Variants in SLC8A3 observed in about 807,000 individuals in gnomAD.
SLC8A3 encodes sodium/calcium exchanger 3.
In SLC8A3, 37 loss-of-function variants were observed where a neutral mutation model predicts 65.4. The ratio of observed to expected loss-of-function variants is 0.57; its 90% CI spans 0.44 to 0.74. The LOEUF (loss-of-function observed/expected upper bound fraction) is 0.74. Ranked by LOEUF, SLC8A3 falls within the 30% of genes least tolerant of loss-of-function variation. The pLI is 0.00. For synonymous variants in SLC8A3, 461 were observed against 444.5 expected, an observed-to-expected ratio of 1.04 and a Z score of -0.47; for missense variants, 1,112 against 1,172.1, an observed-to-expected ratio of 0.95 and a Z score of 0.75.
chr14:70,096,880 G>C (rs1364514363), intron 2 of SLC8A3, among the ~76,000 whole-genome samples: 1 of 152,166 alleles, frequency 6.6e-6, no homozygotes, highest in Admixed American at 6.5e-5. Flanking sequence ...GCCTTGAAGA[G>C]GGGCAGGTCA....
At chr14:70,091,558 A>G (rs898368430) in intron 2 of SLC8A3, among the ~76,000 whole-genome samples, 7 of 152,096 alleles carry the variant, frequency 4.6e-5, no homozygotes, top group African/African-American at 1.7e-4. Flanking sequence ...TTCAATGTCT[A>G]CTATTGATCT....
intron 2 of SLC8A3, chr14:70,063,850 G>A (rs766399494): frequency 1.2e-5 from 19 of 1,607,718 alleles, no homozygotes; most frequent in East Asian, 8.9e-5. Flanking sequence ...TCCACCATGC[G>A]GGGGCCCATC....
chr14:70,170,349 A>G (rs1043533822), intron 1 of SLC8A3, among the ~76,000 whole-genome samples: 2 of 152,194 alleles, frequency 1.3e-5, no homozygotes, highest in African/African-American at 4.8e-5. Context: ...ACCTTTGTAC[A>G]TGCCATTATT....
chr14:70,146,274 A>T (rs1265511925), intron 2 of SLC8A3, among the ~76,000 whole-genome samples: 1 of 152,162 alleles, frequency 6.6e-6, no homozygotes, highest in Non-Finnish European at 1.5e-5. Flanking sequence ...CAGCCAAATT[A>T]ATTTTGGCAG....
In SLC8A3 at chr14:70,045,726, A is replaced by G. The variant is rs1000327287; in HGVS notation, c.*221T>C. 1.3e-5 allele frequency: 6 copies of G among 465,186 alleles called. No individual in the cohort carries two copies. In the South Asian group the frequency reaches 1.5e-4, roughly 12 times the overall value. 28.8% of individuals were successfully genotyped at this position (465,186 alleles called of 1,614,324 possible). ...TGTTGCTGTTGCTTGTTTGTATTCAATTAAATACTGTGTAAAGTCGGTGAT... is the reference window on the plus strand; with the variant it reads ...TGTTGCTGTTGCTTGTTTGTATTCAGTTAAATACTGTGTAAAGTCGGTGAT... On this transcript the variant is annotated 3_prime_UTR_variant, in exon 7 of 7. Transcript: ENST00000356921.
chr14:70,174,192 A>G (rs17175960), intron 1 of SLC8A3, among the ~76,000 whole-genome samples: 22,157 of 152,260 alleles, frequency 0.15, 1,722 homozygotes, highest in Middle Eastern at 0.18. Flanking sequence ...GCAAAGGCTC[A>G]AGGAGGGCAG....
rs776469567 is a variant in SLC8A3 at position 70,046,319 on chromosome 14, C to A, written c.2394G>T (p.Thr798=). 5 of 1,602,446 alleles carry A rather than the reference C, an allele frequency of 3.1e-6. No homozygotes were observed. The Admixed American group carries it at 8.5e-5, about 27-fold the overall frequency. The change falls in exon 7 of 7, where the codon ACG becomes ACT. Residue 798 remains threonine, a synonymous_variant. Coordinates refer to ENST00000356921, the MANE Select transcript of SLC8A3 (RefSeq NM_182932.3). The surrounding 1 kb of genome is among the most constrained non-coding windows in gnomAD (Gnocchi z 4.2). ...FVAFGTSVPD[T]FASKAAALQD... ...GGAGGGCAGCAGCTTTGCTGGCAAA[C>A]GTATCTGGAAAAGGACAAAGACACA...
At chr14:70,160,885 A>AAT (rs1157864221) in intron 2 of SLC8A3, among the ~76,000 whole-genome samples, 1 of 151,402 alleles carries the variant, frequency 6.6e-6, no homozygotes, top group Non-Finnish European at 1.5e-5. Context: ...GACAAAAAAA[A>AAT]AAAAAGACAT....
At chr14:70,157,913 C>T (rs28505071) in intron 2 of SLC8A3, among the ~76,000 whole-genome samples, 1,965 of 152,296 alleles carry the variant, frequency 0.013, 42 homozygotes, top group African/African-American at 0.044. Flanking sequence ...CTTAAGGGAT[C>T]CTTTCATGGC....
intron 2 of SLC8A3, among the ~76,000 whole-genome samples, chr14:70,127,364 G>A (rs72731811): frequency 0.23 from 34,385 of 151,870 alleles, 4,665 homozygotes; most frequent in Admixed American, 0.33. Flanking sequence ...TTTTGACCCC[G>A]CCCAGGTAGA....
At position 70,118,168 on chromosome 14, in the gene SLC8A3, A is replaced by G. The variant is rs531121046; in HGVS notation, c.1784+48471T>C. On this transcript the variant is annotated intron_variant, in intron 2 of 6. Coordinates refer to ENST00000356921, the MANE Select transcript of SLC8A3 (RefSeq NM_182932.3). Reference sequence around the variant, plus strand: ...ATTAAAAAGAAGCTTCTCCAAACCAACAAGACATCTGAATCCCTTTATGTA... The same window carrying G: ...ATTAAAAAGAAGCTTCTCCAAACCAGCAAGACATCTGAATCCCTTTATGTA... Among the ~76,000 whole-genome samples the G allele has an allele frequency of 4.6e-5, 7 of 152,314 alleles. No individual in the cohort carries two copies. In the South Asian group the frequency reaches 1.4e-3, roughly 32 times the overall value.
chr14:70,050,831 T>C (rs1285772285), intron 5 of SLC8A3, among the ~76,000 whole-genome samples, 177 bp downstream of exon 5: 1 of 152,136 alleles, frequency 6.6e-6, no homozygotes, highest in East Asian at 1.9e-4. Flanking sequence ...AAACCAGAGA[T>C]AACCATGTTT....
chr14:70,108,356 C>T lies in SLC8A3; in HGVS notation c.1785-47417G>A, dbSNP rs560247548. Among the ~76,000 whole-genome samples the T allele has an allele frequency of 1.1e-4, 16 of 149,864 alleles. 1 individual carries two copies. The highest frequency in any genetic ancestry group is 3.9e-4 in the East Asian group (2 of 5,138). On this transcript the variant is annotated intron_variant, in intron 2 of 6. Coordinates refer to ENST00000356921, the MANE Select transcript of SLC8A3 (RefSeq NM_182932.3). ...CGGAGGTTGCAGTGAGCTGAGATTACGCCACTGCACTCCAGCCTGGGCGAC... is the reference window on the plus strand; with the variant it reads ...CGGAGGTTGCAGTGAGCTGAGATTATGCCACTGCACTCCAGCCTGGGCGAC...
intron 2 of SLC8A3, among the ~76,000 whole-genome samples, chr14:70,110,736 A>G (rs531364599): frequency 4.5e-5 from 6 of 132,222 alleles, no homozygotes; most frequent in Admixed American, 1.8e-4. Context: ...GCCAGACTGC[A>G]GTGGTGCTAT....
Position 70,046,209 on chromosome 14 carries a change from G to A in SLC8A3, c.2504C>T (p.Ser835Phe). The change falls in exon 7 of 7, where the codon TCC becomes TTC. Residue 835 changes from serine (S) to phenylalanine (F), a missense_variant. Transcript: ENST00000356921. This position sits in a 1 kb window ranked among gnomAD's most constrained non-coding sequence, Gnocchi z 4.2. ...CAGAGCCCAGTAGATGGCGGCCACGGACCAGGCCAGGCCGATGCCCAGGAA... is the reference window on the plus strand; with the variant it reads ...CAGAGCCCAGTAGATGGCGGCCACGAACCAGGCCAGGCCGATGCCCAGGAA... Reference protein sequence around the residue: ...NVFLGIGLAWSVAAIYWALQG... With the variant: ...NVFLGIGLAWFVAAIYWALQG... 6.2e-7 allele frequency: 1 copy of A among 1,614,230 alleles called. No individual in the cohort carries two copies. Among genetic ancestry groups the A allele is most frequent in the African/African-American group, 1.3e-5 (1 of 75,066 alleles).
intron 1 of SLC8A3, among the ~76,000 whole-genome samples, chr14:70,169,688 A>AC (rs1225562874): frequency 1.0e-5 from 1 of 99,244 alleles, no homozygotes; most frequent in African/African-American, 4.0e-5. Flanking sequence ...AAAAAAAAAA[A>AC]AGTGGGGGGG....
At chr14:70,165,728 C>T (rs1461949651) in intron 2 of SLC8A3, among the ~76,000 whole-genome samples, 1 of 152,144 alleles carries the variant, frequency 6.6e-6, no homozygotes, top group Non-Finnish European at 1.5e-5. Context: ...TGGGCAGAGG[C>T]CTTAGGGTAA....
intron 2 of SLC8A3, among the ~76,000 whole-genome samples, chr14:70,099,824 A>G (rs142682062): frequency 6.6e-6 from 1 of 152,340 alleles, no homozygotes; most frequent in African/African-American, 2.4e-5. Context: ...CTGGGCCACA[A>G]GTCGTTTAAA....
At chr14:70,170,783 G>T (rs928213363) in intron 1 of SLC8A3, among the ~76,000 whole-genome samples, 3 of 152,124 alleles carry the variant, frequency 2.0e-5, no homozygotes, top group African/African-American at 7.2e-5. Flanking sequence ...GGATTTACTT[G>T]GTTTAATCCC....
Sources: gnomAD v4.1 joint callset for allele counts (sites outside exome capture counted in the v4.1 genomes callset) on GRCh38, gnomAD v4.1.1 for gene constraint, Gnocchi (gnomAD v3.1) non-coding constraint, MANE v1.5 for transcripts, NCBI Gene and HGNC (gene_info 2026-07-23, HGNC 2026-07-21) for gene names.